RIMS1: variants seen among roughly 807,000 people sequenced by gnomAD.
The protein encoded by RIMS1 is regulating synaptic membrane exocytosis 1.
Under a neutral mutation model 214.1 loss-of-function variants are expected in RIMS1, and 83 were observed. The ratio of observed to expected loss-of-function variants is 0.39; its 90% CI spans 0.32 to 0.47. The LOEUF is 0.47. Among genes scored for constraint, RIMS1 ranks in the 20% least tolerant of loss-of-function variants. RIMS1 has a pLI of 0.99. For synonymous variants in RIMS1, 793 were observed against 786.8 expected, an observed-to-expected ratio of 1.01 and a Z score of -0.13; for missense variants, 2,050 against 2,161.8, an observed-to-expected ratio of 0.95 and a Z score of 1.03.
intron 2 of RIMS1, among the ~76,000 whole-genome samples, chr6:71,991,620 A>G (rs1230657942): frequency 6.6e-6 from 1 of 152,226 alleles, no homozygotes; most frequent in Non-Finnish European, 1.5e-5. Flanking sequence ...CTAGTGCTCA[A>G]ATGAAATGCA....
At chr6:71,918,969 C>T (rs1208877841) in intron 1 of RIMS1, among the ~76,000 whole-genome samples, 1 of 152,040 alleles carries the variant, frequency 6.6e-6, no homozygotes, top group Non-Finnish European at 1.5e-5. Context: ...AAGGAAACGC[C>T]TTTCACTCTT....
chr6:72,254,062 C>T (rs1012412870), intron 16 of RIMS1, among the ~76,000 whole-genome samples: 29 of 152,110 alleles, frequency 1.9e-4, no homozygotes, highest in African/African-American at 6.8e-4. Context: ...GACTGGATTT[C>T]ACCGTGTTGG....
At chr6:72,315,116 A>T (rs2095701908) in intron 28 of RIMS1, among the ~76,000 whole-genome samples, 1 of 152,200 alleles carries the variant, frequency 6.6e-6, no homozygotes, top group African/African-American at 2.4e-5. Context: ...TACAAGGAGA[A>T]TGGGGAAAAC....
intron 24 of RIMS1, among the ~76,000 whole-genome samples, chr6:72,288,503 ATC>A: frequency 6.6e-6 from 1 of 152,192 alleles, no homozygotes; most frequent in East Asian, 1.9e-4. Flanking sequence ...GTTGTTCTAA[ATC>A]TCTATCATTC....
chr6:72,144,210 TA>T (rs2042420517), intron 4 of RIMS1, among the ~76,000 whole-genome samples: 1 of 152,226 alleles, frequency 6.6e-6, no homozygotes, highest in African/African-American at 2.4e-5. Context: ...TAGTGTACTT[TA>T]AGGCCATATT....
chr6:72,221,826 T>G (rs77921564), intron 6 of RIMS1, among the ~76,000 whole-genome samples: 3,784 of 152,148 alleles, frequency 0.025, 76 homozygotes, highest in Middle Eastern at 0.037. Context: ...TCATGGATTC[T>G]ATATTTCTCC....
At chr6:72,187,062 G>A (rs937703983) in intron 6 of RIMS1, among the ~76,000 whole-genome samples, 5 of 152,124 alleles carry the variant, frequency 3.3e-5, no homozygotes, top group Non-Finnish European at 5.9e-5. Flanking sequence ...TGAGGTGGAG[G>A]TTGCGGTGAG....
At chr6:72,299,675 A>G (rs1217149233) in intron 26 of RIMS1, among the ~76,000 whole-genome samples, 1 of 151,928 alleles carries the variant, frequency 6.6e-6, no homozygotes, top group Non-Finnish European at 1.5e-5. Flanking sequence ...ACTTTAGTGG[A>G]ATTCAAGTAA....
At chr6:72,042,781 A>G (rs1821819419) in intron 2 of RIMS1, among the ~76,000 whole-genome samples, 1 of 151,768 alleles carries the variant, frequency 6.6e-6, no homozygotes, top group Non-Finnish European at 1.5e-5. Context: ...TCACATTATA[A>G]ATGCTTTTAA....
At chr6:72,180,023 C>A in intron 5 of RIMS1, 108 bp downstream of exon 5, 1 of 696,566 alleles carries the variant, frequency 1.4e-6, no homozygotes, top group Non-Finnish European at 2.2e-6. Context: ...AGTAGTACTT[C>A]TCAGGCCCCA....
chr6:72,155,721 C>T (rs761423156), intron 4 of RIMS1, among the ~76,000 whole-genome samples: 5 of 140,286 alleles, frequency 3.6e-5, no homozygotes, highest in Non-Finnish European at 6.5e-5. Context: ...TTCACTATCA[C>T]GAGAACAGTT....
At chr6:71,962,289 A>C (rs1793189891) in intron 1 of RIMS1, among the ~76,000 whole-genome samples, 1 of 152,098 alleles carries the variant, frequency 6.6e-6, no homozygotes, top group Non-Finnish European at 1.5e-5. Flanking sequence ...TATCACTTTT[A>C]TTTTAGACTC....
At chr6:72,331,412 A>T (rs1455974403) in intron 28 of RIMS1, among the ~76,000 whole-genome samples, 3 of 151,844 alleles carry the variant, frequency 2.0e-5, no homozygotes, top group Non-Finnish European at 4.4e-5. Context: ...AAAATAATTG[A>T]TGAGAGATGA....
chr6:72,068,090 G>A, intron 2 of RIMS1, among the ~76,000 whole-genome samples: 1 of 152,122 alleles, frequency 6.6e-6, no homozygotes, highest in East Asian at 1.9e-4. Flanking sequence ...GTCACTGGTG[G>A]GCCAGTGACT....
intron 2 of RIMS1, among the ~76,000 whole-genome samples, chr6:72,035,259 T>C (rs906154863): frequency 6.6e-6 from 1 of 152,198 alleles, no homozygotes; most frequent in African/African-American, 2.4e-5. Context: ...TTGTTATTCT[T>C]CATGGTGTTG....
At chr6:72,158,639 T>C (rs539496809) in intron 4 of RIMS1, among the ~76,000 whole-genome samples, 2 of 129,886 alleles carry the variant, frequency 1.5e-5, no homozygotes, top group Non-Finnish European at 3.4e-5. Context: ...AATTCCCACC[T>C]ATGAGTGAGA....
intron 2 of RIMS1, among the ~76,000 whole-genome samples, chr6:72,020,423 C>T (rs1814248308): frequency 6.6e-6 from 1 of 152,196 alleles, no homozygotes; most frequent in South Asian, 2.1e-4. Flanking sequence ...ATGTTCTAAA[C>T]CCAAGCCCTT....
At chr6:72,278,900 C>T (rs1223085399) in intron 23 of RIMS1, among the ~76,000 whole-genome samples, 1 of 151,940 alleles carries the variant, frequency 6.6e-6, no homozygotes, top group African/African-American at 2.4e-5. Context: ...CACATTAAGA[C>T]AGTATAAGCC....
intron 15 of RIMS1, 77 bp from the exon 16 acceptor site, chr6:72,252,684 A>C: frequency 8.2e-7 from 1 of 1,219,008 alleles, no homozygotes; most frequent in Non-Finnish European, 1.2e-6. Flanking sequence ...CACTTTTTAA[A>C]AAAAGTTTGA....
Sources: allele counts gnomAD v4.1 joint callset (sites outside exome capture counted in the v4.1 genomes callset), GRCh38; gene constraint gnomAD v4.1.1; transcripts MANE v1.5; gene names NCBI Gene and HGNC (gene_info 2026-07-23, HGNC 2026-07-21).